Variants in TMC1 observed in about 807,000 individuals in gnomAD.
TMC1 encodes transmembrane channel-like protein 1.
TMC1 carries 84 observed loss-of-function variants against 105.8 expected under a neutral mutation model. The ratio of observed to expected loss-of-function variants is 0.79; its 90% CI spans 0.67 to 0.95. The LOEUF (loss-of-function observed/expected upper bound fraction) is 0.95. Ranked by LOEUF, TMC1 falls within the 40% of genes least tolerant of loss-of-function variation. The pLI is 0.00. For synonymous variants in TMC1, 315 were observed against 311.5 expected (o/e 1.01, Z -0.12); for missense variants, 817 against 914.1 (o/e 0.89, Z 1.37).
chr9:72,638,207 T>G (rs1825566039), intron 4 of TMC1, among the ~76,000 whole-genome samples: 1 of 152,096 alleles, frequency 6.6e-6, no homozygotes. Flanking sequence ...TACCTATTAT[T>G]CCTTTGTTTT....
intron 21 of TMC1, among the ~76,000 whole-genome samples, chr9:72,827,915 C>A (rs1251902176): frequency 6.6e-6 from 1 of 152,150 alleles, no homozygotes; most frequent in Non-Finnish European, 1.5e-5. Context: ...AGTAAATGAG[C>A]AGGGATTGTG....
intron 13 of TMC1, among the ~76,000 whole-genome samples, chr9:72,778,701 G>A (rs1323620160): frequency 6.6e-6 from 1 of 152,158 alleles, no homozygotes; most frequent in Non-Finnish European, 1.5e-5. Context: ...GGGCTGTCTT[G>A]CCCATGGAAT....
chr9:72,797,578 A>G (rs933186312), intron 17 of TMC1, among the ~76,000 whole-genome samples: 11 of 152,176 alleles, frequency 7.2e-5, no homozygotes, highest in Admixed American at 7.2e-4. Flanking sequence ...AACTACAACC[A>G]TCTGATCTTT....
At chr9:72,646,642 AT>A (rs928382535) in intron 4 of TMC1, among the ~76,000 whole-genome samples, 10 of 148,250 alleles carry the variant, frequency 6.7e-5, no homozygotes, top group Admixed American at 2.7e-4. Context: ...TTATTTATTT[AT>A]TTTTTTTTGA....
At chr9:72,774,239 T>C (rs1191333094) in intron 13 of TMC1, among the ~76,000 whole-genome samples, 1 of 152,196 alleles carries the variant, frequency 6.6e-6, no homozygotes, top group Non-Finnish European at 1.5e-5. Flanking sequence ...TAGAGCAGCA[T>C]TGTGCCAGGC....
rs368784499 is a variant in TMC1, at chr9:72,630,594, T to C, written c.-53+2531T>C. Among the ~76,000 whole-genome samples the C allele has an allele frequency of 2.4e-3, 358 of 152,296 alleles. 2 individuals are homozygous for C. The highest frequency in any genetic ancestry group is 8.4e-3 in the African/African-American group (351 of 41,560). On this transcript the variant is annotated intron_variant, in intron 4 of 23. Coordinates refer to ENST00000297784, the MANE Select transcript of TMC1 (RefSeq NM_138691.3). ...AATGTGTCATTAAAAATCATGTTTA[T>C]GAATAACATTCCAGATGCATTTAAT...
chr9:72,703,622 C>G (rs1362206565), intron 8 of TMC1, among the ~76,000 whole-genome samples: 1 of 152,164 alleles, frequency 6.6e-6, no homozygotes, highest in Non-Finnish European at 1.5e-5. Flanking sequence ...TTGGCTGGAC[C>G]CTGTAGACAT....
At chr9:72,686,916 A>G (rs1826388801) in intron 5 of TMC1, among the ~76,000 whole-genome samples, 1 of 152,104 alleles carries the variant, frequency 6.6e-6, no homozygotes, top group Admixed American at 6.5e-5. Flanking sequence ...TTTAATGGTT[A>G]TTTATAAACT....
intron 5 of TMC1, among the ~76,000 whole-genome samples, chr9:72,649,045 T>C (rs1825759691): frequency 6.6e-6 from 1 of 152,190 alleles, no homozygotes. Context: ...TGAAAGGGGA[T>C]GTGTTCTGCT....
intron 10 of TMC1, among the ~76,000 whole-genome samples, chr9:72,748,065 GTTTAT>G (rs1827522118): frequency 1.3e-5 from 2 of 151,032 alleles, no homozygotes; most frequent in African/African-American, 5.0e-5. Flanking sequence ...TTCATTGCAT[GTTTAT>G]TGTATATATC....
intron 1 of TMC1, 63 bp from the exon 2 acceptor site, chr9:72,577,839 T>A (rs1824410628): frequency 6.6e-6 from 1 of 152,158 alleles, no homozygotes; most frequent in African/African-American, 2.4e-5. Flanking sequence ...CTCTGCCTCT[T>A]GTAATTTTTA....
At position 72,807,273 on chromosome 9, in the gene TMC1, A is replaced by T. The variant is rs150979421; in HGVS notation, c.1695+1763A>T. 4.8e-3 allele frequency among the ~76,000 whole-genome samples: 724 copies of T among 152,222 alleles called. 5 individuals are homozygous for T. The highest frequency in any genetic ancestry group is 0.015 in the African/African-American group (643 of 41,540). ...AGAGGGAGAGGGAGACCATGGGGAG[A>T]GGGAGAGGGAGTAATTTTGCGCTTA... On this transcript the variant is annotated intron_variant, in intron 18 of 23. Transcript: ENST00000297784.
At chr9:72,750,477 A>G (rs958095095) in intron 10 of TMC1, among the ~76,000 whole-genome samples, 2 of 152,192 alleles carry the variant, frequency 1.3e-5, no homozygotes. Context: ...TTGTAAATCT[A>G]TGAAATCTGA....
At chr9:72,596,219 G>C (rs116033857) in intron 2 of TMC1, among the ~76,000 whole-genome samples, 3 of 152,262 alleles carry the variant, frequency 2.0e-5, no homozygotes, top group African/African-American at 7.2e-5. Flanking sequence ...TTTATTTCTT[G>C]CTCTTACTGT....
Position 72,832,584 on chromosome 9 carries a change from A to G in TMC1, c.2260+1902A>G, listed in dbSNP as rs145522473. Among the ~76,000 whole-genome samples the G allele has an allele frequency of 7.9e-5, 12 of 152,252 alleles. No individual in the cohort carries two copies. The East Asian group carries it at 2.3e-3, about 30-fold the overall frequency. Reference sequence around the variant, plus strand: ...CTGACACATGTGAAATGCACTGGGGAGGTCACACCTACCTAAGAGAAGGAG... The same window carrying G: ...CTGACACATGTGAAATGCACTGGGGGGGTCACACCTACCTAAGAGAAGGAG... On this transcript the variant is annotated intron_variant, in intron 23 of 23. Transcript: ENST00000297784.
intron 5 of TMC1, among the ~76,000 whole-genome samples, chr9:72,684,728 C>T (rs562320776): frequency 6.6e-6 from 1 of 152,284 alleles, no homozygotes; most frequent in African/African-American, 2.4e-5. Context: ...AAGTCCTGAT[C>T]TTTAACAGCT....
intron 2 of TMC1, among the ~76,000 whole-genome samples, chr9:72,599,082 G>C (rs1824765167): frequency 6.6e-6 from 1 of 152,098 alleles, no homozygotes; most frequent in African/African-American, 2.4e-5. Flanking sequence ...CCAGGCTGGA[G>C]TACAGTGGTG....
chr9:72,786,793 T>C, intron 13 of TMC1, among the ~76,000 whole-genome samples: 1 of 152,198 alleles, frequency 6.6e-6, no homozygotes, highest in Non-Finnish European at 1.5e-5. Flanking sequence ...CCCAGTCTGC[T>C]CATTCAGTTC....
chr9:72,810,530 T>G (rs1828684900), intron 18 of TMC1, among the ~76,000 whole-genome samples: 1 of 152,202 alleles, frequency 6.6e-6, no homozygotes, highest in Non-Finnish European at 1.5e-5. Context: ...AATCAAATAG[T>G]GTTAGATAAC....
Sources: gnomAD v4.1 joint callset for allele counts (sites outside exome capture counted in the v4.1 genomes callset) on GRCh38, gnomAD v4.1.1 for gene constraint, MANE v1.5 for transcripts, NCBI Gene and HGNC (gene_info 2026-07-23, HGNC 2026-07-21) for gene names.